Variants in RFX3 observed in about 807,000 individuals in gnomAD.
RFX3 encodes the protein regulatory factor X3, also known as transcription factor RFX3.
In RFX3, 14 loss-of-function variants were observed where a neutral mutation model predicts 98.6. The observed-to-expected ratio is 0.14, with a 90% CI of 0.09 to 0.22. The LOEUF (loss-of-function observed/expected upper bound fraction) is 0.22. Ranked by LOEUF, RFX3 falls within the 10% of genes least tolerant of loss-of-function variation. The probability of loss-of-function intolerance (pLI) is 1.00; values close to 1 mark genes in which losing one functional copy is unlikely to be tolerated. For synonymous variants in RFX3, 383 were observed against 328.4 expected (o/e 1.17, Z -1.80); for missense variants, 639 against 926.9 (o/e 0.69, Z 4.03).
intron 1 of RFX3, among the ~76,000 whole-genome samples, chr9:3,408,728 AAC>A (rs1282382969): frequency 3.9e-5 from 6 of 152,018 alleles, no homozygotes; most frequent in African/African-American, 1.4e-4. Flanking sequence ...CACGCAAATA[AAC>A]ACAGAGGGAG....
At chr9:3,462,736 C>T (rs1847809199) in intron 1 of RFX3, among the ~76,000 whole-genome samples, 1 of 152,048 alleles carries the variant, frequency 6.6e-6, no homozygotes, top group African/African-American at 2.4e-5. Context: ...GTGTACCATA[C>T]TTCAATACTA....
chr9:3,306,183 T>G (rs1284988375), intron 4 of RFX3, among the ~76,000 whole-genome samples: 1 of 152,044 alleles, frequency 6.6e-6, no homozygotes, highest in Non-Finnish European at 1.5e-5. Flanking sequence ...CTGGCCCAAG[T>G]GTTCAATGTG....
In RFX3 at chr9:3,505,230, GAATATA is replaced by G. The variant is rs1564186807; in HGVS notation, c.-9+20511_-9+20516del. On this transcript the variant is annotated intron_variant, in intron 1 of 16. Coordinates refer to ENST00000617270, the MANE Select transcript of RFX3 (RefSeq NM_001282116.2). The stretch of plus-strand genomic sequence containing the variant: ...TATATATGAATATATATTTATATAT[GAATATA>G]TATTTATATATATATGAATATATAT... 1.0e-4 allele frequency among the ~76,000 whole-genome samples: 6 copies of G among 58,358 alleles called. No individual in the cohort carries two copies. The East Asian group carries it at 0.012, about 117-fold the overall frequency. The allele number at this position is 58,358 out of a possible 152,430, so 38.3% of individuals were successfully genotyped here. A position where few individuals can be genotyped will look rare whatever the true frequency, so the allele number is the denominator to read the frequency against.
At chr9:3,396,868 A>C (rs910362551) in intron 1 of RFX3, among the ~76,000 whole-genome samples, 10 of 152,186 alleles carry the variant, frequency 6.6e-5, no homozygotes, top group Non-Finnish European at 1.5e-4. Context: ...TTCCAACTTT[A>C]AAACTTACTA....
chr9:3,418,724 A>T (rs1843190335), intron 1 of RFX3, among the ~76,000 whole-genome samples: 1 of 152,222 alleles, frequency 6.6e-6, no homozygotes, highest in Non-Finnish European at 1.5e-5. Flanking sequence ...TAAACGTTTT[A>T]AATTAGGTAA....
intron 4 of RFX3, among the ~76,000 whole-genome samples, chr9:3,310,290 A>G (rs1829813064): frequency 6.6e-6 from 1 of 152,222 alleles, no homozygotes; most frequent in African/African-American, 2.4e-5. Context: ...CAAACAGAAT[A>G]TCATATATAC....
chr9:3,324,841 G>A (rs1046266892), intron 4 of RFX3, among the ~76,000 whole-genome samples: 3 of 152,036 alleles, frequency 2.0e-5, no homozygotes, highest in African/African-American at 4.8e-5. Context: ...GCGGACACCT[G>A]TAATCCCAGC....
At chr9:3,295,002 T>C (rs1827822594) in intron 5 of RFX3, among the ~76,000 whole-genome samples, 1 of 152,130 alleles carries the variant, frequency 6.6e-6, no homozygotes, top group Non-Finnish European at 1.5e-5. Context: ...AATTCTTTTG[T>C]TATGAATCAT....
intron 2 of RFX3, among the ~76,000 whole-genome samples, chr9:3,350,946 G>C (rs1229089061): frequency 2.0e-5 from 3 of 152,206 alleles, no homozygotes; most frequent in African/African-American, 4.8e-5. Flanking sequence ...GGGGAAAGGA[G>C]AGATGAACAG....
intron 1 of RFX3, among the ~76,000 whole-genome samples, chr9:3,521,513 T>C (rs1818707981): frequency 6.6e-6 from 1 of 152,202 alleles, no homozygotes. Flanking sequence ...CACAGCACCC[T>C]CTGGTGCATC....
chr9:3,482,552 C>G (rs1849864730), intron 1 of RFX3, among the ~76,000 whole-genome samples: 1 of 152,172 alleles, frequency 6.6e-6, no homozygotes, highest in South Asian at 2.1e-4. Context: ...TAAGCATGAA[C>G]AGGTTCTGTG....
At chr9:3,290,732 C>CA (rs917046870) in intron 6 of RFX3, among the ~76,000 whole-genome samples, 6 of 152,048 alleles carry the variant, frequency 3.9e-5, no homozygotes, top group Non-Finnish European at 5.9e-5. Context: ...TTCAGCAATC[C>CA]AAAAGCTGTA....
At chr9:3,303,970 C>T (rs961592164) in intron 4 of RFX3, among the ~76,000 whole-genome samples, 8 of 151,910 alleles carry the variant, frequency 5.3e-5, no homozygotes, top group Non-Finnish European at 7.4e-5. Context: ...AGGCCTGTGC[C>T]GAATTTGTGT....
intron 4 of RFX3, among the ~76,000 whole-genome samples, chr9:3,308,598 G>T (rs760416685): frequency 5.3e-5 from 8 of 152,128 alleles, no homozygotes; most frequent in Non-Finnish European, 1.0e-4. Flanking sequence ...ATATTAGCAG[G>T]AACATGAAAA....
At chr9:3,514,270 A>C (rs1165562071) in intron 1 of RFX3, among the ~76,000 whole-genome samples, 1 of 152,232 alleles carries the variant, frequency 6.6e-6, no homozygotes, top group African/African-American at 2.4e-5. Flanking sequence ...ATAATGCAAA[A>C]ATCAGTGCAC....
At chr9:3,399,228 A>C (rs1841227232) in intron 1 of RFX3, among the ~76,000 whole-genome samples, 1 of 149,820 alleles carries the variant, frequency 6.7e-6, no homozygotes, top group Non-Finnish European at 1.5e-5. Context: ...TGAGGTCAGG[A>C]GTTCAAGACC....
intron 3 of RFX3, among the ~76,000 whole-genome samples, chr9:3,332,342 G>A (rs1156297071): frequency 2.6e-5 from 4 of 152,084 alleles, no homozygotes; most frequent in Non-Finnish European, 4.4e-5. Flanking sequence ...TAGCGTGAAG[G>A]TAATTTTATA....
intron 1 of RFX3, among the ~76,000 whole-genome samples, chr9:3,422,854 T>G (rs908870341): frequency 6.6e-6 from 1 of 152,100 alleles, no homozygotes; most frequent in Non-Finnish European, 1.5e-5. Context: ...GAAATGTAAT[T>G]TCTATATAAT....
At chr9:3,525,115 C>T (rs1819125798) in intron 1 of RFX3, among the ~76,000 whole-genome samples, 1 of 151,812 alleles carries the variant, frequency 6.6e-6, no homozygotes, top group Admixed American at 6.6e-5. Flanking sequence ...GAAAGAAGAG[C>T]AGCCCATTCA....
Sources: allele counts gnomAD v4.1 joint callset (sites outside exome capture counted in the v4.1 genomes callset), GRCh38; gene constraint gnomAD v4.1.1; transcripts MANE v1.5; gene names NCBI Gene and HGNC (gene_info 2026-07-23, HGNC 2026-07-21).